Variants in NDNF observed in about 807,000 individuals in gnomAD.
NDNF encodes the protein neuron derived neurotrophic factor.
Under a neutral mutation model 42.0 loss-of-function variants are expected in NDNF, and 16 were observed. The ratio of observed to expected loss-of-function variants is 0.38; its 90% confidence interval spans 0.26 to 0.58. The LOEUF is 0.58. Ranked by LOEUF, NDNF falls within the 20% of genes least tolerant of loss-of-function variation. The pLI, the probability that NDNF is intolerant of heterozygous loss-of-function variation, is 0.67. For missense variants in NDNF, 616 were observed against 666.2 expected (o/e 0.92, Z 0.83); for synonymous variants, 248 against 251.7 (o/e 0.99, Z 0.14).
At position 121,064,978 on chromosome 4, in the gene NDNF, G is replaced by A. The variant is rs1727475234; in HGVS notation, c.-2+7015C>T. 2.6e-5 allele frequency among the ~76,000 whole-genome samples: 4 copies of A among 152,000 alleles called. No individual in the cohort carries two copies. In the South Asian group the frequency reaches 6.2e-4, roughly 24 times the overall value. Reference sequence around the variant, plus strand: ...CTCAGTATGTTGCCCAGGCTGGACCGCAGGGGCTATTCACAAGGGAGATCA... The same window carrying A: ...CTCAGTATGTTGCCCAGGCTGGACCACAGGGGCTATTCACAAGGGAGATCA... On this transcript the variant is annotated intron_variant, in intron 1 of 3. Transcript: ENST00000379692.
At chr4:121,066,218 C>T (rs1330904308) in intron 1 of NDNF, among the ~76,000 whole-genome samples, 3 of 152,146 alleles carry the variant, frequency 2.0e-5, no homozygotes, top group Non-Finnish European at 4.4e-5. Flanking sequence ...ACCCGAAGAA[C>T]TAACAATATC....
intron 1 of NDNF, among the ~76,000 whole-genome samples, chr4:121,068,241 G>A (rs531321867): frequency 1.3e-5 from 2 of 152,194 alleles, no homozygotes; most frequent in South Asian, 4.1e-4. Flanking sequence ...TGAGTGTCAC[G>A]TAATGTTACA....
Position 121,045,831 on chromosome 4 carries a change from G to A in NDNF, c.7C>T (p.Leu3=). MV[L]LHWCLLWLLF... The stretch of plus-strand genomic sequence containing the variant: ...AGCCACAGCAGGCACCAGTGGAGCA[G>A]CACCATCCTGAGGCAACAGAAATGA... The change falls in exon 2 of 4, where the codon CTG becomes TTG. Residue 3 remains leucine (L), a synonymous_variant. Transcript: ENST00000379692. 1 of 1,613,704 alleles carries A rather than the reference G, an allele frequency of 6.2e-7. No homozygotes were observed. Among genetic ancestry groups the A allele is most frequent in the East Asian group, 2.2e-5 (1 of 44,874 alleles).
At chr4:121,060,240 G>T (rs1691411414) in intron 1 of NDNF, among the ~76,000 whole-genome samples, 2 of 151,902 alleles carry the variant, frequency 1.3e-5, no homozygotes, top group Non-Finnish European at 2.9e-5. Flanking sequence ...GAGTGCAGTG[G>T]TGCAAGTATG....
chr4:121,047,162 T>C (rs763241902), intron 1 of NDNF, among the ~76,000 whole-genome samples: 6 of 152,246 alleles, frequency 3.9e-5, no homozygotes, highest in Non-Finnish European at 7.3e-5. Flanking sequence ...CTATCAAAAA[T>C]AGATTCAGAT....
intron 1 of NDNF, among the ~76,000 whole-genome samples, chr4:121,060,444 G>C (rs912220562): frequency 3.9e-5 from 6 of 152,102 alleles, no homozygotes; most frequent in Admixed American, 3.9e-4. Flanking sequence ...GCCTTCCAGA[G>C]TGTTGGGATT....
chr4:121,067,470 G>A (rs908505545), intron 1 of NDNF, among the ~76,000 whole-genome samples: 1 of 152,088 alleles, frequency 6.6e-6, no homozygotes, highest in Admixed American at 6.5e-5. Context: ...GTTTCCAAAG[G>A]ATATGGAAGT....
intron 3 of NDNF, among the ~76,000 whole-genome samples, chr4:121,038,391 T>TAAAATAAAATAA (rs1560602803): frequency 6.7e-6 from 1 of 149,386 alleles, no homozygotes; most frequent in African/African-American, 2.4e-5. Flanking sequence ...TAAAATAAAA[T>TAAAATAAAATAA]AAAACAAAAC....
chr4:121,039,188 GTGTGTATATATATATATATATATATATA>G (rs1726945930), intron 3 of NDNF, among the ~76,000 whole-genome samples: 1 of 66,640 alleles, frequency 1.5e-5, no homozygotes, highest in African/African-American at 7.6e-5. Context: ...ATGTGTGTGT[GTGTGTATATATATATATATATATATATA>G]TATATATATA....
chr4:121,048,752 C>T (rs935929962), intron 1 of NDNF, among the ~76,000 whole-genome samples: 23 of 152,162 alleles, frequency 1.5e-4, no homozygotes, highest in African/African-American at 5.3e-4. Flanking sequence ...GCAGGAGAAT[C>T]GCTTGAACCC....
chr4:121,036,278 T>C lies in NDNF; in HGVS notation c.1693A>G (p.Arg565Gly), dbSNP rs750712579. The change falls in exon 4 of 4, where the codon AGA becomes GGA. Residue 565 changes from arginine (R) to glycine (G), a missense_variant. Physicochemically the swap from Arg to Gly is moderately radical, Grantham distance 125. Transcript: ENST00000379692. ...TAAGAAGGTAACTAACAGAACTTTC[T>C]AGTTTTCACAACCTTACTCTGATAC... ...VKYQSKVVKT[R>G]KFC 1.9e-6 allele frequency: 3 copies of C among 1,598,536 alleles called. No individual in the cohort carries two copies. Among genetic ancestry groups the C allele is most frequent in the South Asian group, 2.3e-5 (2 of 87,812 alleles).
chr4:121,052,436 C>T (rs969951869), intron 1 of NDNF, among the ~76,000 whole-genome samples: 7 of 152,032 alleles, frequency 4.6e-5, no homozygotes, highest in South Asian at 2.1e-4. Flanking sequence ...TATAATTTGG[C>T]GAGAATAATT....
At position 121,071,983 on chromosome 4, in the gene NDNF, C is replaced by T. The variant is rs1452948986; in HGVS notation, c.-2+10G>A. 6.6e-6 allele frequency: 1 copy of T among 152,238 alleles called. No individual in the cohort carries two copies. Among genetic ancestry groups the T allele is most frequent in the Non-Finnish European group, 1.5e-5 (1 of 68,202 alleles). The allele number at this position is 152,238 out of a possible 1,614,324, so 9.4% of individuals were successfully genotyped here. On this transcript the variant is annotated intron_variant, in intron 1 of 3. Coordinates refer to ENST00000379692, the MANE Select transcript of NDNF (RefSeq NM_024574.4). The stretch of plus-strand genomic sequence containing the variant: ...GGTCTCTGGGGCATTGCTTTCCTCT[C>T]CCCACTTACCTTAAAAAGATCTGTT...
intron 1 of NDNF, among the ~76,000 whole-genome samples, chr4:121,048,927 A>G (rs1275178829): frequency 1.3e-5 from 2 of 152,176 alleles, no homozygotes; most frequent in Non-Finnish European, 2.9e-5. Flanking sequence ...TTCTTTATAT[A>G]TATTATTTCA....
At position 121,037,595 on chromosome 4, in the gene NDNF, A is replaced by G. The variant is rs187310450; in HGVS notation, c.376T>C (p.Phe126Leu). 4.5e-5 allele frequency: 72 copies of G among 1,609,948 alleles called. No homozygotes were observed. The African/African-American group carries it at 8.7e-4, about 19-fold the overall frequency. The part of the protein sequence containing the change: ...QIINEEGTEL[F>L]SYKGNDVEYF... Reference sequence around the variant, plus strand: ...TCAACATCATTGCCTTTGTAGGAGAATAACTCAGTGCCTTCCTCATTAATG... The same window carrying G: ...TCAACATCATTGCCTTTGTAGGAGAGTAACTCAGTGCCTTCCTCATTAATG... The change falls in exon 4 of 4, where the codon TTC (phenylalanine) becomes CTC (leucine). Residue 126 changes from phenylalanine to leucine, a missense_variant. Transcript: ENST00000379692.
At chr4:121,061,951 G>C (rs1727419476) in intron 1 of NDNF, among the ~76,000 whole-genome samples, 1 of 152,164 alleles carries the variant, frequency 6.6e-6, no homozygotes, top group African/African-American at 2.4e-5. Flanking sequence ...ATTGTTATGA[G>C]ATTAAATGAA....
rs1418605582 is a variant in NDNF at position 121,071,431 on chromosome 4, C to T, written c.-2+562G>A. The stretch of plus-strand genomic sequence containing the variant: ...GGCTGCGCAGCTCCCAGACGCCCAC[C>T]AAGAACTCGTGCGCTGCCTGGACCT... On this transcript the variant is annotated intron_variant, in intron 1 of 3. Coordinates refer to ENST00000379692, the MANE Select transcript of NDNF (RefSeq NM_024574.4). 4 of 152,254 alleles carry T rather than the reference C, an allele frequency of 2.6e-5. No homozygotes were observed. In the East Asian group the frequency reaches 7.8e-4, roughly 30 times the overall value. 9.4% of individuals were successfully genotyped at this position (152,254 alleles called of 1,614,324 possible).
chr4:121,040,553 G>A (rs1726979841), intron 2 of NDNF, among the ~76,000 whole-genome samples: 1 of 152,156 alleles, frequency 6.6e-6, no homozygotes, highest in Admixed American at 6.5e-5. Context: ...CAGCAACCTA[G>A]TTCTAAACTG....
intron 1 of NDNF, among the ~76,000 whole-genome samples, chr4:121,055,476 A>G (rs946537866): frequency 2.6e-5 from 4 of 152,216 alleles, no homozygotes; most frequent in African/African-American, 9.6e-5. Context: ...ACAAACAGAA[A>G]GTACTGCAAA....
Sources: allele counts gnomAD v4.1 joint callset (sites outside exome capture counted in the v4.1 genomes callset), GRCh38; gene constraint gnomAD v4.1.1; transcripts MANE v1.5; gene names NCBI Gene and HGNC (gene_info 2026-07-23, HGNC 2026-07-21).